Variants in PSMD11 observed in about 807,000 individuals in gnomAD.
PSMD11 encodes the protein 26S proteasome non-ATPase regulatory subunit 11.
A neutral mutation model predicts 62.3 loss-of-function variants in PSMD11; 5 were observed. That is an observed-to-expected ratio of 0.08 (90% CI 0.04 to 0.17). PSMD11 has a LOEUF of 0.17. PSMD11 is among the 10% of genes least tolerant of loss of function. PSMD11 has a pLI of 1.00. For missense variants in PSMD11, 310 were observed against 512.9 expected, an observed-to-expected ratio of 0.60 and a Z score of 3.82; for synonymous variants, 191 against 191.8, an observed-to-expected ratio of 1.00 and a Z score of 0.03.
chr17:32,477,614 T>G lies in PSMD11; in HGVS notation c.912+31T>G, dbSNP rs758497762. On this transcript the variant is annotated intron_variant, in intron 9 of 13. Coordinates refer to ENST00000261712, the MANE Select transcript of PSMD11 (RefSeq NM_002815.4). ...TATGATATTGGGTTGGTATGGAATGTGAGTGGAAGAGAGGGACGTTTAAGT... is the reference window on the plus strand; with the variant it reads ...TATGATATTGGGTTGGTATGGAATGGGAGTGGAAGAGAGGGACGTTTAAGT... 1.9e-6 allele frequency: 3 copies of G among 1,559,908 alleles called. No individual in the cohort carries two copies. In the South Asian group the frequency reaches 3.4e-5, roughly 18 times the overall value.
intron 1 of PSMD11, 169 bp downstream of exon 1, chr17:32,444,783 G>A (rs1907275939): frequency 1.4e-6 from 1 of 734,978 alleles, no homozygotes; most frequent in South Asian, 1.9e-5. Context: ...AGCCTCCCAG[G>A]TCTCACTCTT....
At position 32,483,033 on chromosome 17, in the gene PSMD11, T is replaced by C. The variant is rs1199594883; in HGVS notation, c.*2281T>C. 6.6e-6 allele frequency: 1 copy of C among 152,216 alleles called. No individual in the cohort carries two copies. The highest frequency in any genetic ancestry group is 1.9e-4 in the East Asian group (1 of 5,182). 9.4% of individuals were successfully genotyped at this position (152,216 alleles called of 1,614,324 possible). On this transcript the variant is annotated 3_prime_UTR_variant, in exon 14 of 14. Coordinates refer to ENST00000261712, the MANE Select transcript of PSMD11 (RefSeq NM_002815.4). Reference sequence around the variant, plus strand: ...TCTCAAACTTAGGGCAGTCCTGAGATGCTCAGGCAGTAGCCCTTTTCTCAG... The same window carrying C: ...TCTCAAACTTAGGGCAGTCCTGAGACGCTCAGGCAGTAGCCCTTTTCTCAG...
At chr17:32,461,444 G>A (rs1234325472) in intron 3 of PSMD11, among the ~76,000 whole-genome samples, 3 of 151,902 alleles carry the variant, frequency 2.0e-5, no homozygotes, top group African/African-American at 7.3e-5. Flanking sequence ...GGTGGCAGGC[G>A]CCTGCAATCC....
At chr17:32,475,246 A>G (rs957713194) in intron 8 of PSMD11, among the ~76,000 whole-genome samples, 16 of 151,972 alleles carry the variant, frequency 1.1e-4, no homozygotes, top group African/African-American at 3.1e-4. Context: ...TGCAGAAACT[A>G]GGTTTTGAGA....
chr17:32,454,558 C>T lies in PSMD11; in HGVS notation c.257C>T (p.Ala86Val). The change falls in exon 3 of 14, where the codon GCT (alanine) becomes GTT (valine). Residue 86 changes from alanine (A) to valine (V), a missense_variant. Ala to Val is a moderately conservative substitution (Grantham distance 64, BLOSUM62 0). Coordinates refer to ENST00000261712, the MANE Select transcript of PSMD11 (RefSeq NM_002815.4). ...AATTCCATCAGCAAGGCTAAAGCAGCTCGCCTGGTCCGATCTCTTCTTGAT... is the reference window on the plus strand; with the variant it reads ...AATTCCATCAGCAAGGCTAAAGCAGTTCGCCTGGTCCGATCTCTTCTTGAT... Reference protein sequence around the residue: ...FLNSISKAKAARLVRSLLDLF... With the variant: ...FLNSISKAKAVRLVRSLLDLF... The T allele has an allele frequency of 1.2e-6, 2 of 1,614,082 alleles. No individual in the cohort carries two copies. Among genetic ancestry groups the T allele is most frequent in the Non-Finnish European group, 1.7e-6 (2 of 1,179,928 alleles).
chr17:32,466,222 C>T (rs929209073), intron 5 of PSMD11, among the ~76,000 whole-genome samples: 1 of 152,154 alleles, frequency 6.6e-6, no homozygotes, highest in Non-Finnish European at 1.5e-5. Context: ...GTCTCAAACT[C>T]CTGACCTCAA....
chr17:32,470,633 A>G (rs1177919870), intron 6 of PSMD11, among the ~76,000 whole-genome samples: 1 of 152,244 alleles, frequency 6.6e-6, no homozygotes, highest in Non-Finnish European at 1.5e-5. Flanking sequence ...CATGACACTC[A>G]GAGTGCTGAT....
intron 2 of PSMD11, 68 bp from the exon 3 acceptor site, chr17:32,454,427 T>C: frequency 6.4e-7 from 1 of 1,557,486 alleles, no homozygotes; most frequent in Non-Finnish European, 8.8e-7. Context: ...GTTGGGTCAG[T>C]TTCTTAAGTG....
chr17:32,475,514 T>C (rs1030591611), intron 8 of PSMD11, among the ~76,000 whole-genome samples: 12 of 152,138 alleles, frequency 7.9e-5, no homozygotes, highest in Non-Finnish European at 1.8e-4. Context: ...AAACACAGAC[T>C]GATTGGCTGT....
At chr17:32,460,742 T>A (rs1250521932) in intron 3 of PSMD11, among the ~76,000 whole-genome samples, 2 of 142,892 alleles carry the variant, frequency 1.4e-5, no homozygotes, top group Non-Finnish European at 3.1e-5. Context: ...CCAGCCTGGG[T>A]GAGACACTGT....
rs1427225804 is a variant in PSMD11, at chr17:32,467,259, T to C, written c.449-1740T>C. Among the ~76,000 whole-genome samples, 5 of 135,936 alleles carry C rather than the reference T, an allele frequency of 3.7e-5. No homozygotes were observed. In the East Asian group the frequency reaches 6.6e-4, roughly 18 times the overall value. The allele number at this position is 135,936 out of a possible 152,430, so 89.2% of individuals were successfully genotyped here. On this transcript the variant is annotated intron_variant, in intron 5 of 13. Coordinates refer to ENST00000261712, the MANE Select transcript of PSMD11 (RefSeq NM_002815.4). ...TGCCCGGCCTTTTTTTTTTTTTTTT[T>C]TTTCTTGAGACACTCTTGCTCTGTC...
rs1471231696 is a variant in PSMD11 at position 32,444,529 on chromosome 17, G to A, written c.6G>A (p.Ala2=). 1.9e-6 allele frequency: 3 copies of A among 1,598,392 alleles called. No homozygotes were observed. Among genetic ancestry groups the A allele is most frequent in the East Asian group, 2.3e-5 (1 of 43,974 alleles). The part of the protein sequence containing the change: M[A]AAAVVEFQRA... ...GACGGTGTGAGAGCGGTAAGATGGC[G>A]GCGGCGGCGGTGGTGGAGTTCCAGA... Residue 2 remains alanine, a synonymous_variant, in exon 1 of 14, where the codon GCG becomes GCA. Transcript: ENST00000261712.
chr17:32,444,628 C>T lies in PSMD11; in HGVS notation c.91+14C>T. The T allele has an allele frequency of 6.2e-7, 1 of 1,610,086 alleles. No homozygotes were observed. On this transcript the variant is annotated intron_variant, in intron 1 of 13. Transcript: ENST00000261712. Reference sequence around the variant, plus strand: ...TCCACTCCATCGGTAAAGGTCGCCGCGCCGCCTCCCCGGCCCCGCCGGCCC... The same window carrying T: ...TCCACTCCATCGGTAAAGGTCGCCGTGCCGCCTCCCCGGCCCCGCCGGCCC...
intron 2 of PSMD11, among the ~76,000 whole-genome samples, chr17:32,451,666 T>C (rs1907503373): frequency 6.6e-6 from 1 of 152,188 alleles, no homozygotes; most frequent in Non-Finnish European, 1.5e-5. Context: ...GATAAGGAGA[T>C]AGTAATCTCT....
intron 8 of PSMD11, chr17:32,476,638 G>A (rs572085190): frequency 1.3e-5 from 2 of 152,336 alleles, no homozygotes; most frequent in South Asian, 4.1e-4. Context: ...GAGTGTTGCA[G>A]ATTTTTTGCT....
At chr17:32,466,420 C>A (rs932290992) in intron 5 of PSMD11, among the ~76,000 whole-genome samples, 1 of 152,130 alleles carries the variant, frequency 6.6e-6, no homozygotes, top group African/African-American at 2.4e-5. Flanking sequence ...TGAAATGATA[C>A]AATATTTGTT....
At chr17:32,462,136 C>CTT (rs201214689) in intron 3 of PSMD11, among the ~76,000 whole-genome samples, 2 of 151,104 alleles carry the variant, frequency 1.3e-5, no homozygotes, top group African/African-American at 4.9e-5. Context: ...CCCAGGCATT[C>CTT]TTTTTTTTTG....
intron 5 of PSMD11, among the ~76,000 whole-genome samples, chr17:32,468,787 G>A (rs1317091860): frequency 6.6e-6 from 1 of 152,166 alleles, no homozygotes; most frequent in Non-Finnish European, 1.5e-5. Context: ...ATTGTCCTTA[G>A]GAAGCAGAAA....
At chr17:32,470,504 G>A (rs879680937) in intron 6 of PSMD11, among the ~76,000 whole-genome samples, 3 of 151,320 alleles carry the variant, frequency 2.0e-5, no homozygotes, top group Admixed American at 6.6e-5. Flanking sequence ...TAGAGATGGG[G>A]TTTCACCATG....
Sources: allele counts gnomAD v4.1 joint callset (sites outside exome capture counted in the v4.1 genomes callset), GRCh38; gene constraint gnomAD v4.1.1; transcripts MANE v1.5; gene names NCBI Gene and HGNC (gene_info 2026-07-23, HGNC 2026-07-21).